Variants in PCGF5 observed in about 807,000 individuals in gnomAD.
PCGF5 encodes polycomb group RING finger protein 5.
In PCGF5, 9 loss-of-function variants were observed where a neutral mutation model predicts 44.3. The ratio of observed to expected loss-of-function variants is 0.20; its 90% CI spans 0.12 to 0.35. PCGF5 has a LOEUF of 0.35. PCGF5 is among the 10% of genes least tolerant of loss of function. The pLI, the probability that PCGF5 is intolerant of heterozygous loss-of-function variation, is 1.00. For missense variants in PCGF5, 146 were observed against 305.3 expected (o/e 0.48, Z 3.89); for synonymous variants, 95 against 102.5 (o/e 0.93, Z 0.44).
intron 3 of PCGF5, among the ~76,000 whole-genome samples, chr10:91,244,850 T>G (rs1418781137): frequency 6.6e-6 from 1 of 152,154 alleles, no homozygotes; most frequent in Non-Finnish European, 1.5e-5. Context: ...TTGGGAAGAT[T>G]AATAATAGAG....
At chr10:91,205,714 C>A (rs1327710997) in intron 1 of PCGF5, among the ~76,000 whole-genome samples, 3 of 152,184 alleles carry the variant, frequency 2.0e-5, no homozygotes, top group Non-Finnish European at 2.9e-5. Flanking sequence ...CGTGGTGGCT[C>A]ACCCCTGTAA....
At chr10:91,206,367 G>A (rs1300991268) in intron 1 of PCGF5, among the ~76,000 whole-genome samples, 1 of 152,168 alleles carries the variant, frequency 6.6e-6, no homozygotes, top group African/African-American at 2.4e-5. Context: ...TGTCAGCCAT[G>A]ATAAGCCACT....
At chr10:91,256,829 A>G (rs941418204) in intron 6 of PCGF5, among the ~76,000 whole-genome samples, 1 of 151,986 alleles carries the variant, frequency 6.6e-6, no homozygotes, top group African/African-American at 2.4e-5. Flanking sequence ...AGTTAAGTCT[A>G]TATTCATCAA....
chr10:91,207,567 A>G (rs932200863), intron 1 of PCGF5, among the ~76,000 whole-genome samples: 3 of 152,330 alleles, frequency 2.0e-5, no homozygotes, highest in African/African-American at 7.2e-5. Context: ...TGGCATTGTT[A>G]TAATAGTATC....
At chr10:91,221,313 G>A (rs753937677) in intron 1 of PCGF5, among the ~76,000 whole-genome samples, 20 of 152,196 alleles carry the variant, frequency 1.3e-4, no homozygotes, top group Non-Finnish European at 2.4e-4. Flanking sequence ...TCTTCCAGAG[G>A]ACTTTCTCTT....
chr10:91,219,419 G>A (rs7894133), upstream of PCGF5, among the ~76,000 whole-genome samples: 20,957 of 152,204 alleles, frequency 0.14, 2,833 homozygotes, highest in African/African-American at 0.35. Flanking sequence ...TATATATACA[G>A]TAATATCCTC....
chr10:91,263,565 G>A (rs935976561), intron 7 of PCGF5, among the ~76,000 whole-genome samples: 12 of 152,128 alleles, frequency 7.9e-5, no homozygotes, highest in African/African-American at 2.4e-4. Context: ...TTTCCAGTTT[G>A]TTTTTAATAG....
intron 1 of PCGF5, among the ~76,000 whole-genome samples, chr10:91,175,048 C>T (rs1843679426): frequency 6.6e-6 from 1 of 152,108 alleles, no homozygotes; most frequent in Non-Finnish European, 1.5e-5. Context: ...GTCACTGTAT[C>T]CCTAAGAATT....
intron 2 of PCGF5, among the ~76,000 whole-genome samples, chr10:91,223,987 A>G (rs1362556300): frequency 6.6e-6 from 1 of 152,154 alleles, no homozygotes; most frequent in Admixed American, 6.5e-5. Context: ...TTTTTCAGCT[A>G]TTCTTGCTCT....
At chr10:91,196,229 A>T (rs571968524) in intron 1 of PCGF5, among the ~76,000 whole-genome samples, 2 of 152,346 alleles carry the variant, frequency 1.3e-5, no homozygotes, top group South Asian at 4.1e-4. Context: ...TGTCAGTGCC[A>T]AGAGAAGTGA....
intron 1 of PCGF5, among the ~76,000 whole-genome samples, chr10:91,212,206 T>G (rs1844465859): frequency 6.6e-6 from 1 of 152,232 alleles, no homozygotes; most frequent in African/African-American, 2.4e-5. Flanking sequence ...ATAGGTTAAT[T>G]GAAGCTTGAG....
chr10:91,221,489 T>C (rs1306965931), intron 1 of PCGF5, among the ~76,000 whole-genome samples: 5 of 152,234 alleles, frequency 3.3e-5, no homozygotes, highest in Non-Finnish European at 7.3e-5. Context: ...GCTTGCTTTC[T>C]GTTACACGCA....
At chr10:91,174,375 T>C (rs755805087) in intron 1 of PCGF5, among the ~76,000 whole-genome samples, 2 of 151,950 alleles carry the variant, frequency 1.3e-5, no homozygotes, top group Non-Finnish European at 2.9e-5. Context: ...GGTGTGGCGG[T>C]GCATGCCTGT....
intron 7 of PCGF5, among the ~76,000 whole-genome samples, chr10:91,262,884 C>T (rs927223839): frequency 2.0e-5 from 3 of 152,088 alleles, no homozygotes; most frequent in African/African-American, 7.2e-5. Context: ...CGCAAAATAC[C>T]ATGTATGGTT....
upstream of PCGF5, among the ~76,000 whole-genome samples, chr10:91,161,978 T>C (rs575496457): frequency 7.2e-5 from 11 of 152,024 alleles, no homozygotes; most frequent in African/African-American, 2.4e-4. Context: ...GGGGGGATTC[T>C]GCTTGGGGGA....
chr10:91,251,352 A>G lies in PCGF5; in HGVS notation c.386A>G (p.Asp129Gly), dbSNP rs779539576. The G allele has an allele frequency of 1.9e-6, 3 of 1,610,996 alleles. No individual in the cohort carries two copies. The African/African-American group carries it at 4.0e-5, about 22-fold the overall frequency. The change falls in exon 6 of 10, where the codon GAT (aspartate) becomes GGT (glycine). Residue 129 changes from aspartate to glycine, a missense_variant. Asp to Gly is a moderately conservative substitution (Grantham distance 94, BLOSUM62 -1). Transcript: ENST00000336126. ...GAAGAAGGTGATGAAAATGAAGATG[A>G]TAAAGATTATCACAGAAGTGACCCA... is the stretch of plus-strand genomic sequence containing the variant. ...VDEEGDENED[D>G]KDYHRSDPQI...
chr10:91,249,615 A>G (rs552888014), intron 5 of PCGF5, among the ~76,000 whole-genome samples: 1 of 151,722 alleles, frequency 6.6e-6, no homozygotes, highest in African/African-American at 2.4e-5. Context: ...AGGATTGTCA[A>G]TTATACATGA....
Position 91,212,049 on chromosome 10 carries a change from A to G in PCGF5, c.-183-10640A>G, listed in dbSNP as rs930214876. Among the ~76,000 whole-genome samples, 4 of 152,356 alleles carry G rather than the reference A, an allele frequency of 2.6e-5. No homozygotes were observed. In the South Asian group the frequency reaches 6.2e-4, roughly 24 times the overall value. ...TTTCCTCATTTATAAGATGAGGACA[A>G]TGATTTTATTTATCTTACAGGATTG... On this transcript the variant is annotated intron_variant, in intron 1 of 9. Transcript: ENST00000614189.
chr10:91,156,256 G>T, the PCGF5 span, among the ~76,000 whole-genome samples: 1 of 152,072 alleles, frequency 6.6e-6, no homozygotes, highest in Non-Finnish European at 1.5e-5. Flanking sequence ...AATAATTCAT[G>T]GGTACCTAGA....
Sources: allele counts gnomAD v4.1 joint callset (sites outside exome capture counted in the v4.1 genomes callset), GRCh38; gene constraint gnomAD v4.1.1; transcripts MANE v1.5; gene names NCBI Gene and HGNC (gene_info 2026-07-23, HGNC 2026-07-21).